CDH23: variants seen among roughly 807,000 people sequenced by gnomAD.
CDH23 encodes cadherin-23.
CDH23 carries 189 observed loss-of-function variants against 317.1 expected under a neutral mutation model. The ratio of observed to expected loss-of-function variants is 0.60; its 90% confidence interval spans 0.53 to 0.67. The LOEUF (loss-of-function observed/expected upper bound fraction) is 0.67. Ranked by LOEUF, CDH23 falls within the 30% of genes least tolerant of loss-of-function variation. The probability of loss-of-function intolerance (pLI) is 0.00; values close to 1 mark genes in which losing one functional copy is unlikely to be tolerated. For missense variants in CDH23, 4,401 were observed against 4,592.4 expected, an observed-to-expected ratio of 0.96 and a Z score of 1.20; for synonymous variants, 1,839 against 1,876.8, an observed-to-expected ratio of 0.98 and a Z score of 0.52.
At chr10:71,685,639 A>C (rs1425851323) in intron 18 of CDH23, among the ~76,000 whole-genome samples, 2 of 152,200 alleles carry the variant, frequency 1.3e-5, no homozygotes, top group East Asian at 3.9e-4. Flanking sequence ...ATTCCCTCAA[A>C]GCCATCCCAG....
rs534832150 is a variant in CDH23, at chr10:71,569,444, A to G, written c.625-1346A>G. ...AGTCGCTCCTCAAATCTTAGCTCAG[A>G]GAATGTTCGAGCCTGAGGGGCCTTA... is the stretch of plus-strand genomic sequence containing the variant. On this transcript the variant is annotated intron_variant, in intron 7 of 69. Coordinates refer to ENST00000224721, the MANE Select transcript of CDH23 (RefSeq NM_022124.6). Among the ~76,000 whole-genome samples, 22 of 152,360 alleles carry G rather than the reference A, an allele frequency of 1.4e-4. No individual in the cohort carries two copies. In the South Asian group the frequency reaches 4.6e-3, roughly 32 times the overall value.
At chr10:71,706,589 T>G (rs541712439) in intron 25 of CDH23, among the ~76,000 whole-genome samples, 1 of 152,222 alleles carries the variant, frequency 6.6e-6, no homozygotes, top group Non-Finnish European at 1.5e-5. Context: ...CCATGGTCGT[T>G]GTTAGGTGCG....
At position 71,451,513 on chromosome 10, in the gene CDH23, G is replaced by A. The variant is rs552950090; in HGVS notation, c.145+5118G>A. ...CCCTCTAGTTCCCTAAGTGTGAAAG[G>A]CAAGCTCCCACTTCACGGTCTTTGC... On this transcript the variant is annotated intron_variant, in intron 3 of 69. Coordinates refer to ENST00000224721, the MANE Select transcript of CDH23 (RefSeq NM_022124.6). 4.6e-5 allele frequency among the ~76,000 whole-genome samples: 7 copies of A among 152,304 alleles called. No individual in the cohort carries two copies. The South Asian group carries it at 1.2e-3, about 27-fold the overall frequency.
intron 14 of CDH23, chr10:71,646,883 A>T: frequency 7.0e-7 from 1 of 1,433,434 alleles, no homozygotes; most frequent in Middle Eastern, 2.6e-4. Flanking sequence ...TTTCCCCGAG[A>T]GAGACTCAGT....
intron 28 of CDH23, chr10:71,713,311 G>C (rs754805136): frequency 1.3e-6 from 1 of 778,700 alleles, no homozygotes; most frequent in Non-Finnish European, 2.4e-6. Flanking sequence ...GAGAAGGGAG[G>C]ACCCTGAAAA....
intron 3 of CDH23, among the ~76,000 whole-genome samples, chr10:71,479,408 C>T (rs928940892): frequency 7.2e-5 from 11 of 152,106 alleles, no homozygotes; most frequent in Admixed American, 6.5e-5. Context: ...TGAACTGAAT[C>T]CCGCAGGAAA....
chr10:71,599,841 A>G (rs1380977405), intron 9 of CDH23, among the ~76,000 whole-genome samples: 1 of 152,154 alleles, frequency 6.6e-6, no homozygotes, highest in Non-Finnish European at 1.5e-5. Context: ...TCACTTCTCC[A>G]GGGGATGAAG....
chr10:71,781,848 A>T (rs531584777), intron 41 of CDH23, among the ~76,000 whole-genome samples: 5 of 152,200 alleles, frequency 3.3e-5, no homozygotes, highest in Non-Finnish European at 5.9e-5. Context: ...GAAATGATCA[A>T]TGAAGGCCCA....
intron 49 of CDH23, among the ~76,000 whole-genome samples, chr10:71,797,998 TC>T (rs1422982853): frequency 6.6e-6 from 1 of 152,092 alleles, no homozygotes; most frequent in African/African-American, 2.4e-5. Context: ...TGTCAGAGGC[TC>T]AGATGGTTAA....
At chr10:71,813,422 C>T (rs906948582) in intron 69 of CDH23, 74 bp downstream of exon 69, 3 of 1,271,016 alleles carry the variant, frequency 2.4e-6, no homozygotes, top group Non-Finnish European at 3.3e-6. Context: ...TGCTGTCCTG[C>T]TGTCCTTCTC....
At position 71,428,812 on chromosome 10, in the gene CDH23, A is replaced by T. The variant is rs564689615; in HGVS notation, c.-5-11015A>T. On this transcript the variant is annotated intron_variant, in intron 1 of 69. Transcript: ENST00000224721. Reference sequence around the variant, plus strand: ...ACCATGTTGGCCAGACTGGTCTCAAACTCCTGACCTTGGGCAATCTGCCTG... The same window carrying T: ...ACCATGTTGGCCAGACTGGTCTCAATCTCCTGACCTTGGGCAATCTGCCTG... Among the ~76,000 whole-genome samples, 35 of 151,504 alleles carry T rather than the reference A, an allele frequency of 2.3e-4. No individual in the cohort carries two copies. The East Asian group carries it at 5.9e-3, about 26-fold the overall frequency.
chr10:71,431,502 G>A (rs533194882), intron 1 of CDH23, among the ~76,000 whole-genome samples: 2 of 152,354 alleles, frequency 1.3e-5, no homozygotes, highest in African/African-American at 4.8e-5. Flanking sequence ...CAGCCCTAAT[G>A]GTGTCATCTG....
At chr10:71,613,150 G>C (rs1462263149) in intron 9 of CDH23, among the ~76,000 whole-genome samples, 1 of 152,206 alleles carries the variant, frequency 6.6e-6, no homozygotes, top group Non-Finnish European at 1.5e-5. Context: ...CGCCCAGCCT[G>C]TATGCTCATT....
chr10:71,634,140 GC>G (rs1460639512), intron 11 of CDH23, among the ~76,000 whole-genome samples: 1 of 152,226 alleles, frequency 6.6e-6, no homozygotes, highest in Non-Finnish European at 1.5e-5. Flanking sequence ...CTGCCTGGAG[GC>G]CTCTAGAGGG....
chr10:71,737,886 C>T, intron 34 of CDH23: 4 of 446,908 alleles, frequency 9.0e-6, no homozygotes, highest in South Asian at 6.3e-5. Flanking sequence ...TTTTATTTGA[C>T]AGTCAGAAAT....
chr10:71,429,625 A>T (rs1341669332), intron 1 of CDH23, among the ~76,000 whole-genome samples: 4 of 152,140 alleles, frequency 2.6e-5, no homozygotes, highest in Non-Finnish European at 4.4e-5. Flanking sequence ...ACAGGGGGGA[A>T]AGTCGTATTT....
chr10:71,510,019 G>A (rs1853867610), intron 3 of CDH23, 63 bp from the exon 4 acceptor site: 1 of 1,602,566 alleles, frequency 6.2e-7, no homozygotes, highest in Admixed American at 1.7e-5. Flanking sequence ...ACCTGGGCAA[G>A]GTAGGAAGGC....
chr10:71,755,328 C>T (rs771708676), intron 38 of CDH23: 1 of 1,586,190 alleles, frequency 6.3e-7, no homozygotes, highest in Admixed American at 1.7e-5. Context: ...CTCGCACCGT[C>T]CACCCACCCC....
At chr10:71,531,478 G>T (rs1385329279) in intron 6 of CDH23, among the ~76,000 whole-genome samples, 1 of 152,206 alleles carries the variant, frequency 6.6e-6, no homozygotes, top group African/African-American at 2.4e-5. Context: ...AATATATGCA[G>T]TTGAAATGTG....
Sources: allele counts gnomAD v4.1 joint callset (sites outside exome capture counted in the v4.1 genomes callset), GRCh38; gene constraint gnomAD v4.1.1; transcripts MANE v1.5; gene names NCBI Gene and HGNC (gene_info 2026-07-23, HGNC 2026-07-21).